The following HGF variants were observed in gnomAD, a reference collection of about 807,000 sequenced individuals.
The protein encoded by HGF is fibroblast-derived tumor cytotoxic factor.
A neutral mutation model predicts 111.6 loss-of-function variants in HGF; 39 were observed. The observed-to-expected ratio is 0.35, with a 90% confidence interval of 0.27 to 0.46. The LOEUF is 0.46. Ranked by LOEUF, HGF falls within the 20% of genes least tolerant of loss-of-function variation. The probability of loss-of-function intolerance (pLI) is 1.00; values close to 1 mark genes in which losing one functional copy is unlikely to be tolerated. For missense variants in HGF, 735 were observed against 910.5 expected (o/e 0.81, Z 2.48); for synonymous variants, 285 against 294.8 (o/e 0.97, Z 0.34).
chr7:81,707,072 G>A (rs1314154919), intron 14 of HGF, among the ~76,000 whole-genome samples: 1 of 152,090 alleles, frequency 6.6e-6, no homozygotes, highest in East Asian at 1.9e-4. Context: ...CCAACTGAGG[G>A]TAACACTAAT....
chr7:81,755,514 G>T (rs1788722011), intron 4 of HGF: 1 of 152,498 alleles, frequency 6.6e-6, no homozygotes, highest in Non-Finnish European at 1.5e-5. Context: ...TTCCCAGAGA[G>T]ATCTATTTCA....
At chr7:81,710,032 C>T (rs970256996) in intron 13 of HGF, 115 bp downstream of exon 13, 5 of 749,232 alleles carry the variant, frequency 6.7e-6, no homozygotes, top group Non-Finnish European at 1.2e-5. Flanking sequence ...TACTGCCTCA[C>T]CCAGGTGCCC....
Position 81,700,352 on chromosome 7 carries a change from T to C in HGF, c.*2229A>G, listed in dbSNP as rs1288327128. ...CGAAAGGAGCCTCCCAAAGAGAGAA[T>C]TACTTTGTACGGTTTGTTTGATGAT... On this transcript the variant is annotated 3_prime_UTR_variant, in exon 18 of 18. Coordinates refer to ENST00000222390, the MANE Select transcript of HGF (RefSeq NM_000601.6). 3 of 151,606 alleles carry C rather than the reference T, an allele frequency of 2.0e-5. No homozygotes were observed. The highest frequency in any genetic ancestry group is 3.0e-5 in the Non-Finnish European group (2 of 67,664). The allele number at this position is 151,606 out of a possible 1,614,324, so 9.4% of individuals were successfully genotyped here.
chr7:81,760,037 C>T (rs768209364), intron 2 of HGF, among the ~76,000 whole-genome samples: 1 of 152,156 alleles, frequency 6.6e-6, no homozygotes. Context: ...CTCTTTCTCT[C>T]GTTCCAATAC....
intron 7 of HGF, among the ~76,000 whole-genome samples, chr7:81,741,657 G>A (rs902059786): frequency 2.6e-5 from 4 of 151,382 alleles, no homozygotes; most frequent in Middle Eastern, 3.2e-3. Context: ...TACCTAAACC[G>A]GCCAGGCCTG....
At chr7:81,712,018 C>A (rs1789584186) in intron 11 of HGF, among the ~76,000 whole-genome samples, 1 of 152,118 alleles carries the variant, frequency 6.6e-6, no homozygotes, top group Non-Finnish European at 1.5e-5. Flanking sequence ...ATCACGTTTA[C>A]TGGATAATAT....
chr7:81,719,045 C>A (rs1192962347), intron 10 of HGF, among the ~76,000 whole-genome samples: 5 of 152,110 alleles, frequency 3.3e-5, no homozygotes. Context: ...TATGGTGTTA[C>A]CACTTTGTGA....
chr7:81,730,236 G>A (rs1311160408), intron 7 of HGF, among the ~76,000 whole-genome samples: 2 of 152,058 alleles, frequency 1.3e-5, no homozygotes, highest in African/African-American at 4.8e-5. Context: ...ATCACCTGAG[G>A]TCAGGAGTTT....
At chr7:81,762,611 T>C in intron 2 of HGF, 96 bp downstream of exon 2, 2 of 959,852 alleles carry the variant, frequency 2.1e-6, no homozygotes, top group South Asian at 1.3e-5. Flanking sequence ...AATTTTATGA[T>C]CAAATCACAT....
Position 81,702,558 on chromosome 7 carries a change from T to C in HGF, c.*23A>G, listed in dbSNP as rs1194190165. ...TGTAAAAGACAGTTGTATTGGTGGG[T>C]GCTTCAGACACACTTACTTCAGCTA... On this transcript the variant is annotated 3_prime_UTR_variant, in exon 18 of 18. Coordinates refer to ENST00000222390, the MANE Select transcript of HGF (RefSeq NM_000601.6). 1 of 1,583,132 alleles carries C rather than the reference T, an allele frequency of 6.3e-7. No individual in the cohort carries two copies. Among genetic ancestry groups the C allele is most frequent in the Non-Finnish European group, 8.7e-7 (1 of 1,152,664 alleles).
chr7:81,757,465 A>T (rs1333996989), intron 3 of HGF, among the ~76,000 whole-genome samples, 162 bp from the exon 4 acceptor site: 4 of 152,204 alleles, frequency 2.6e-5, no homozygotes, highest in African/African-American at 9.6e-5. Context: ...TCAAAATAAC[A>T]CATTTCTGAA....
chr7:81,705,336 A>G (rs1207839712), intron 17 of HGF, 54 bp downstream of exon 17: 15 of 1,542,084 alleles, frequency 9.7e-6, no homozygotes, highest in East Asian at 2.2e-5. Context: ...AAAAATAAAC[A>G]TGAAACACTA....
chr7:81,722,872 C>T lies in HGF; in HGVS notation c.1169-2025G>A, dbSNP rs922292108. On this transcript the variant is annotated intron_variant, in intron 9 of 17. Transcript: ENST00000222390. ...ATATATATATATATATGTTGCATTG[C>T]AAATTTAAAAAGAATTATTCTACTT... is the stretch of plus-strand genomic sequence containing the variant. Among the ~76,000 whole-genome samples the T allele has an allele frequency of 4.2e-4, 58 of 137,464 alleles. 1 individual carries two copies. Among genetic ancestry groups the T allele is most frequent in the East Asian group, 2.0e-4 (1 of 5,002 alleles). The allele number at this position is 137,464 out of a possible 152,430, so 90.2% of individuals were successfully genotyped here. A position where few individuals can be genotyped will look rare whatever the true frequency, so the allele number is the denominator to read the frequency against.
At chr7:81,765,622 C>G (rs1789320735) in intron 1 of HGF, among the ~76,000 whole-genome samples, 1 of 152,048 alleles carries the variant, frequency 6.6e-6, no homozygotes. Context: ...ACTAATTACT[C>G]AAAAATATGA....
rs771889279 is a variant in HGF at position 81,743,418 on chromosome 7, G to T, written c.800C>A (p.Pro267Gln). Residue 267 changes from proline (P) to glutamine (Q), a missense_variant, in exon 7 of 18, where the codon CCG (proline) becomes CAG (glutamine). Transcript: ENST00000222390. ...DNYCRNPDGQ[P>Q]RPWCYTLDPH... ...GTCAAGAGTATAGCACCATGGCCTCGGCTGGCCATCGGGATTGCGGCAATA... is the reference window on the plus strand; with the variant it reads ...GTCAAGAGTATAGCACCATGGCCTCTGCTGGCCATCGGGATTGCGGCAATA... 1.2e-6 allele frequency: 2 copies of T among 1,613,662 alleles called. No homozygotes were observed. The highest frequency in any genetic ancestry group is 1.7e-5 in the Admixed American group (1 of 60,000).
chr7:81,706,372 C>G lies in HGF; in HGVS notation c.1672G>C (p.Asp558His), dbSNP rs370757602. ...TTGAGAACCTGTTTGCATTTCTCAT[C>G]TCCTCTTCCGTGGACATCATGAATT... ...LGIHDVHGRG[D>H]EKCKQVLNVS... The change falls in exon 15 of 18, where the codon GAT becomes CAT. Residue 558 changes from aspartate to histidine, a missense_variant. This residue lies in a region of HGF where 130 missense variants were observed against 129.9 expected (regional missense o/e 1.00). Transcript: ENST00000222390. The G allele has an allele frequency of 6.2e-7, 1 of 1,611,384 alleles. No homozygotes were observed. The highest frequency in any genetic ancestry group is 1.3e-5 in the African/African-American group (1 of 74,938).
intron 3 of HGF, 73 bp from the exon 4 acceptor site, chr7:81,757,376 C>G: frequency 1.3e-6 from 1 of 790,796 alleles, no homozygotes; most frequent in Admixed American, 1.9e-5. Flanking sequence ...AAATTCCGTT[C>G]AAACCTGTAA....
chr7:81,714,864 C>A (rs1447724595), intron 11 of HGF, among the ~76,000 whole-genome samples: 2 of 151,868 alleles, frequency 1.3e-5, no homozygotes, highest in African/African-American at 2.4e-5. Flanking sequence ...CAAATCCTGG[C>A]TATAAATATT....
chr7:81,726,068 G>A (rs1448733711), intron 8 of HGF, 51 bp from the exon 9 acceptor site: 9 of 1,570,474 alleles, frequency 5.7e-6, no homozygotes, highest in African/African-American at 1.4e-5. Flanking sequence ...TTACGTTGGT[G>A]AAGTCAGCGC....
Sources: gnomAD v4.1 joint callset for allele counts (sites outside exome capture counted in the v4.1 genomes callset) on GRCh38, gnomAD v4.1.1 for gene constraint, gnomAD v4.1.1 regional missense constraint, MANE v1.5 for transcripts, NCBI Gene and HGNC (gene_info 2026-07-23, HGNC 2026-07-21) for gene names.